PHACTR1: variants seen among roughly 807,000 people sequenced by gnomAD.
PHACTR1 encodes RPEL repeat containing 1.
In PHACTR1, 16 loss-of-function variants were observed where a neutral mutation model predicts 69.2. The observed-to-expected ratio is 0.23, with a 90% CI of 0.16 to 0.35. PHACTR1 has a LOEUF of 0.35. Among genes scored for constraint, PHACTR1 ranks in the 10% least tolerant of loss-of-function variants. PHACTR1 has a pLI of 1.00. For synonymous variants in PHACTR1, 312 were observed against 284.5 expected, an observed-to-expected ratio of 1.10 and a Z score of -0.97; for missense variants, 510 against 734.7, an observed-to-expected ratio of 0.69 and a Z score of 3.54.
intron 8 of PHACTR1, chr6:13,214,312 T>C (rs1767351862): frequency 6.6e-6 from 1 of 152,238 alleles, no homozygotes; most frequent in African/African-American, 2.4e-5. Flanking sequence ...GTGTTTGATG[T>C]TAGAAACAAC....
intron 4 of PHACTR1, among the ~76,000 whole-genome samples, chr6:12,997,426 G>A (rs1315462823): frequency 6.7e-6 from 1 of 149,030 alleles, no homozygotes; most frequent in Non-Finnish European, 1.5e-5. Context: ...ATATATGGGG[G>A]ATGGGGAGGA....
At chr6:13,058,767 G>C (rs1052260618) in intron 5 of PHACTR1, among the ~76,000 whole-genome samples, 2 of 152,136 alleles carry the variant, frequency 1.3e-5, no homozygotes, top group African/African-American at 4.8e-5. Context: ...GAAAGAGCTT[G>C]TGCAAAGGCC....
intron 8 of PHACTR1, among the ~76,000 whole-genome samples, chr6:13,212,410 A>G (rs1022488973): frequency 8.5e-5 from 13 of 152,178 alleles, no homozygotes; most frequent in African/African-American, 1.9e-4. Context: ...TCTTCAAGAC[A>G]TTATTAAAAT....
intron 5 of PHACTR1, among the ~76,000 whole-genome samples, chr6:13,065,190 A>T (rs985808735): frequency 2.6e-5 from 4 of 152,176 alleles, no homozygotes; most frequent in African/African-American, 4.8e-5. Flanking sequence ...ATTGGAAGTC[A>T]TCAGCACCTG....
At chr6:13,086,083 T>TAAAAAA (rs776154642) in intron 5 of PHACTR1, among the ~76,000 whole-genome samples, 49 of 60,268 alleles carry the variant, frequency 8.1e-4, no homozygotes, top group African/African-American at 3.0e-3. Context: ...TACACATTTC[T>TAAAAAA]AAAAAAAAAA....
intron 10 of PHACTR1, among the ~76,000 whole-genome samples, chr6:13,268,095 CAT>C (rs1484024086): frequency 4.6e-5 from 7 of 152,068 alleles, no homozygotes; most frequent in Non-Finnish European, 7.4e-5. Flanking sequence ...GGTGAAACCG[CAT>C]GTCTACTAAA....
At chr6:12,895,512 C>T (rs544022240) in intron 4 of PHACTR1, among the ~76,000 whole-genome samples, 2 of 152,184 alleles carry the variant, frequency 1.3e-5, no homozygotes, top group East Asian at 3.9e-4. Context: ...GTTAACAAAA[C>T]TATAATAAGC....
intron 4 of PHACTR1, among the ~76,000 whole-genome samples, chr6:12,851,073 G>A (rs758133637): frequency 3.3e-5 from 5 of 152,210 alleles, no homozygotes; most frequent in Admixed American, 1.3e-4. Context: ...GAGAGTTCGT[G>A]TGTTCACACA....
intron 4 of PHACTR1, among the ~76,000 whole-genome samples, chr6:12,788,227 A>C (rs1771793135): frequency 6.8e-6 from 1 of 146,102 alleles, no homozygotes; most frequent in Admixed American, 6.8e-5. Context: ...TCCCTCCCCA[A>C]GTTCCCTACC....
rs1053285466 is a variant in PHACTR1, at chr6:13,159,335, C to T, written c.416-869C>T. ...CCCTACCTTTAGACAGTATCACCTC[C>T]GGACCTTGGGAGGCCACACCAGAGA... On this transcript the variant is annotated intron_variant, in intron 5 of 14. Transcript: ENST00000332995. Among the ~76,000 whole-genome samples, 3 of 152,146 alleles carry T rather than the reference C, an allele frequency of 2.0e-5. No homozygotes were observed. In the South Asian group the frequency reaches 6.2e-4, roughly 32 times the overall value.
intron 11 of PHACTR1, chr6:13,274,169 A>G (rs1267309448): frequency 6.6e-6 from 1 of 151,960 alleles, no homozygotes; most frequent in African/African-American, 2.4e-5. Flanking sequence ...GCCTTTATCA[A>G]TGTCTTGCCT....
At chr6:12,877,359 G>T (rs540964100) in intron 4 of PHACTR1, among the ~76,000 whole-genome samples, 1 of 152,252 alleles carries the variant, frequency 6.6e-6, no homozygotes, top group Non-Finnish European at 1.5e-5. Flanking sequence ...GATCAACAAA[G>T]GCTTTGATGG....
intron 4 of PHACTR1, among the ~76,000 whole-genome samples, chr6:12,986,577 G>T (rs556631803): frequency 2.9e-4 from 44 of 152,314 alleles, no homozygotes; most frequent in African/African-American, 9.4e-4. Context: ...GCATGCTAAA[G>T]AAAGGGATGG....
chr6:12,972,813 GC>G (rs1385488316), intron 4 of PHACTR1, among the ~76,000 whole-genome samples: 1 of 151,982 alleles, frequency 6.6e-6, no homozygotes, highest in Non-Finnish European at 1.5e-5. Flanking sequence ...CACCACACTG[GC>G]TAATTTTTGT....
intron 4 of PHACTR1, among the ~76,000 whole-genome samples, chr6:12,848,271 A>T (rs559702597): frequency 1.1e-3 from 160 of 152,358 alleles, no homozygotes; most frequent in African/African-American, 3.6e-3. Flanking sequence ...CTAATGGAAG[A>T]TCAAGATTTG....
chr6:13,152,268 A>T (rs905012636), intron 5 of PHACTR1, among the ~76,000 whole-genome samples: 3 of 152,018 alleles, frequency 2.0e-5, no homozygotes, highest in Admixed American at 2.0e-4. Context: ...TGGGAGGTGG[A>T]GGTGGCAGTG....
intron 4 of PHACTR1, among the ~76,000 whole-genome samples, chr6:13,043,403 G>A (rs1185884843): frequency 6.6e-6 from 1 of 152,098 alleles, no homozygotes; most frequent in Non-Finnish European, 1.5e-5. Context: ...CTCCAGCCTG[G>A]GTGACAAAGT....
rs573835539 is a variant in PHACTR1 at position 13,166,437 on chromosome 6, AG to A, written c.496+6154del. Among the ~76,000 whole-genome samples, 1,070 of 152,308 alleles carry A rather than the reference AG, an allele frequency of 7.0e-3. 4 individuals are homozygous for A. The highest frequency in any genetic ancestry group is 0.011 in the Non-Finnish European group (751 of 68,032). On this transcript the variant is annotated intron_variant, in intron 6 of 14. Coordinates refer to ENST00000332995, the MANE Select transcript of PHACTR1 (RefSeq NM_030948.6). ...CTGTTGTAGCCCAAGTGTCTATAGC[AG>A]TGCCTGGGACAAAATTGATGTTCAG...
At chr6:13,227,768 G>C (rs767233988) in intron 8 of PHACTR1, 48 bp from the exon 9 acceptor site, 7 of 1,596,070 alleles carry the variant, frequency 4.4e-6, no homozygotes, top group Non-Finnish European at 6.0e-6. Context: ...CATTTATATA[G>C]CACGTTAGCC....
Sources: allele counts gnomAD v4.1 joint callset (sites outside exome capture counted in the v4.1 genomes callset), GRCh38; gene constraint gnomAD v4.1.1; transcripts MANE v1.5; gene names NCBI Gene and HGNC (gene_info 2026-07-23, HGNC 2026-07-21).